GRIA1: variants seen among roughly 807,000 people sequenced by gnomAD.
The protein encoded by GRIA1 is glutamate ionotropic receptor AMPA type subunit 1, also known as glutamate receptor 1.
GRIA1 carries 31 observed loss-of-function variants against 99.2 expected under a neutral mutation model. That is an observed-to-expected ratio of 0.31 (90% CI 0.23 to 0.42). The LOEUF (loss-of-function observed/expected upper bound fraction) is 0.42. Ranked by LOEUF, GRIA1 falls within the 10% of genes least tolerant of loss-of-function variation. The probability of loss-of-function intolerance (pLI) is 1.00; values close to 1 mark genes in which losing one functional copy is unlikely to be tolerated. For missense variants in GRIA1, 782 were observed against 1,157.5 expected (o/e 0.68, Z 4.71); for synonymous variants, 438 against 432.4 (o/e 1.01, Z -0.16).
At chr5:153,491,160 A>G (rs1753878049) in intron 1 of GRIA1, 190 bp downstream of exon 1, 8 of 983,992 alleles carry the variant, frequency 8.1e-6, no homozygotes, top group African/African-American at 3.3e-5. Flanking sequence ...GATGAGGGGC[A>G]GAGGGGAAGT....
At chr5:153,602,222 C>A (rs2149399163) in intron 2 of GRIA1, among the ~76,000 whole-genome samples, 1 of 152,236 alleles carries the variant, frequency 6.6e-6, no homozygotes, top group South Asian at 2.1e-4. Context: ...GAGTTCATGT[C>A]CTTTGTAGAG....
chr5:153,633,798 A>G (rs1753145479), intron 2 of GRIA1, among the ~76,000 whole-genome samples: 1 of 152,210 alleles, frequency 6.6e-6, no homozygotes, highest in Non-Finnish European at 1.5e-5. Flanking sequence ...AAGAACCTGC[A>G]GCTTACTTGG....
At chr5:153,648,184 T>G (rs1754297778) in intron 3 of GRIA1, among the ~76,000 whole-genome samples, 1 of 152,190 alleles carries the variant, frequency 6.6e-6, no homozygotes, top group Admixed American at 6.5e-5. Flanking sequence ...GTCGTTCAGA[T>G]GGGAAGGAGC....
At chr5:153,500,602 C>T (rs1466960340) in intron 2 of GRIA1, among the ~76,000 whole-genome samples, 1 of 141,480 alleles carries the variant, frequency 7.1e-6, no homozygotes, top group Admixed American at 7.7e-5. Flanking sequence ...CTCTCTCCCC[C>T]TCTTACATAC....
intron 2 of GRIA1, among the ~76,000 whole-genome samples, chr5:153,555,868 G>A (rs10515693): frequency 0.12 from 18,561 of 152,264 alleles, 1,195 homozygotes; most frequent in South Asian, 0.21. Flanking sequence ...GCTAAAGAGC[G>A]ATCTGACCTT....
At chr5:153,505,836 G>A (rs1755436183) in intron 2 of GRIA1, among the ~76,000 whole-genome samples, 1 of 152,130 alleles carries the variant, frequency 6.6e-6, no homozygotes, top group South Asian at 2.1e-4. Context: ...AAAGAAAATA[G>A]GATGTAGTGA....
chr5:153,664,734 G>A (rs1241797558), intron 5 of GRIA1, among the ~76,000 whole-genome samples: 18 of 152,152 alleles, frequency 1.2e-4, no homozygotes, highest in Non-Finnish European at 1.5e-5. Context: ...GAGTGAATGA[G>A]TAAATGGACA....
At chr5:153,562,598 G>A (rs1283388071) in intron 2 of GRIA1, among the ~76,000 whole-genome samples, 3 of 152,120 alleles carry the variant, frequency 2.0e-5, no homozygotes, top group South Asian at 2.1e-4. Context: ...GTGACTAGAC[G>A]AGAGAAATAT....
intron 5 of GRIA1, among the ~76,000 whole-genome samples, chr5:153,657,225 T>G (rs1436567249): frequency 6.6e-6 from 1 of 152,226 alleles, no homozygotes; most frequent in Non-Finnish European, 1.5e-5. Context: ...CTGGGTTATA[T>G]GATAACTCTA....
At chr5:153,658,598 C>T (rs980369346) in intron 5 of GRIA1, among the ~76,000 whole-genome samples, 2 of 152,138 alleles carry the variant, frequency 1.3e-5, no homozygotes, top group African/African-American at 4.8e-5. Context: ...GTGTTTTCTT[C>T]CCCCTTCAGA....
At chr5:153,681,423 G>A (rs756635580) in intron 7 of GRIA1, among the ~76,000 whole-genome samples, 9 of 152,178 alleles carry the variant, frequency 5.9e-5, no homozygotes, top group Middle Eastern at 3.2e-3. Flanking sequence ...TAATGGAACC[G>A]TTAAATGTAT....
intron 2 of GRIA1, among the ~76,000 whole-genome samples, chr5:153,555,074 G>A (rs1760497244): frequency 6.6e-6 from 1 of 152,026 alleles, no homozygotes; most frequent in Non-Finnish European, 1.5e-5. Context: ...CAGTGATGTA[G>A]GCATTTTCTT....
chr5:153,518,482 G>A (rs1328628423), intron 2 of GRIA1, among the ~76,000 whole-genome samples: 4 of 152,046 alleles, frequency 2.6e-5, no homozygotes, highest in Non-Finnish European at 5.9e-5. Context: ...TCAGCCCTGG[G>A]GATACAGACA....
intron 2 of GRIA1, among the ~76,000 whole-genome samples, chr5:153,559,765 C>T (rs1031116435): frequency 2.0e-5 from 3 of 152,084 alleles, no homozygotes; most frequent in African/African-American, 7.2e-5. Context: ...ATCATATAAG[C>T]AGGTCATTGT....
At chr5:153,725,272 A>T (rs1294715968) in intron 11 of GRIA1, among the ~76,000 whole-genome samples, 1 of 146,940 alleles carries the variant, frequency 6.8e-6, no homozygotes, top group Non-Finnish European at 1.5e-5. Context: ...AGGAACAACC[A>T]GTACCAGCCA....
At chr5:153,701,706 C>T (rs969095959) in intron 10 of GRIA1, among the ~76,000 whole-genome samples, 2 of 145,602 alleles carry the variant, frequency 1.4e-5, no homozygotes, top group Non-Finnish European at 3.0e-5. Context: ...TTTAGTTTGG[C>T]TTTCCTTTTC....
At chr5:153,555,589 G>C (rs372474011) in intron 2 of GRIA1, among the ~76,000 whole-genome samples, 17 of 152,044 alleles carry the variant, frequency 1.1e-4, no homozygotes, top group African/African-American at 3.9e-4. Flanking sequence ...GCAACGCAAA[G>C]ACCAGGGCCT....
chr5:153,674,725 G>T lies in GRIA1; in HGVS notation c.861+64G>T. The T allele has an allele frequency of 2.7e-6, 4 of 1,507,926 alleles. No individual in the cohort carries two copies. In the South Asian group the frequency reaches 4.7e-5, roughly 18 times the overall value. 93.4% of individuals were successfully genotyped at this position (1,507,926 alleles called of 1,614,324 possible). A position where few individuals can be genotyped will look rare whatever the true frequency, so the allele number is the denominator to read the frequency against. ...GTCCCTTTGCCTGCCCCAGATTTCT[G>T]AGCTGCATTAGTCTTTACAAAGGAA... On this transcript the variant is annotated intron_variant, in intron 6 of 15. Coordinates refer to ENST00000285900, the MANE Select transcript of GRIA1 (RefSeq NM_000827.4).
intron 2 of GRIA1, among the ~76,000 whole-genome samples, chr5:153,556,474 C>G (rs1355740283): frequency 1.3e-5 from 2 of 152,110 alleles, no homozygotes; most frequent in Non-Finnish European, 1.5e-5. Context: ...TTTTCCAAGG[C>G]AGTAAGTCTC....
Sources: gnomAD v4.1 joint callset for allele counts (sites outside exome capture counted in the v4.1 genomes callset) on GRCh38, gnomAD v4.1.1 for gene constraint, MANE v1.5 for transcripts, NCBI Gene and HGNC (gene_info 2026-07-23, HGNC 2026-07-21) for gene names.